Variants in CAMK2D observed in about 807,000 individuals in gnomAD.
The protein encoded by CAMK2D is calcium/calmodulin dependent protein kinase II delta.
In CAMK2D, 37 loss-of-function variants were observed where a neutral mutation model predicts 84.0. The observed-to-expected ratio is 0.44, with a 90% confidence interval of 0.34 to 0.58. The LOEUF (loss-of-function observed/expected upper bound fraction) is 0.58, where lower values mean the gene tolerates loss of function less well. Among genes scored for constraint, CAMK2D ranks in the 20% least tolerant of loss-of-function variants. The pLI is 0.02. For synonymous variants in CAMK2D, 202 were observed against 212.5 expected (o/e 0.95, Z 0.43); for missense variants, 448 against 652.5 (o/e 0.69, Z 3.41).
chr4:113,606,225 C>T (rs559814204), intron 4 of CAMK2D, among the ~76,000 whole-genome samples: 1 of 152,148 alleles, frequency 6.6e-6, no homozygotes, highest in African/African-American at 2.4e-5. Context: ...AATCCCAGCA[C>T]TTAGGGAGGC....
At chr4:113,475,971 T>C (rs1167133020) in intron 16 of CAMK2D, among the ~76,000 whole-genome samples, 5 of 152,232 alleles carry the variant, frequency 3.3e-5, no homozygotes, top group African/African-American at 1.2e-4. Context: ...TCCCATTCAT[T>C]GTTTAAAACT....
intron 13 of CAMK2D, among the ~76,000 whole-genome samples, chr4:113,505,670 G>A (rs1481514186): frequency 6.6e-6 from 1 of 152,080 alleles, no homozygotes; most frequent in African/African-American, 2.4e-5. Context: ...TTACAGTTGT[G>A]TAAGAGGAAA....
chr4:113,483,295 T>G (rs1401630598), intron 16 of CAMK2D, among the ~76,000 whole-genome samples: 3 of 152,218 alleles, frequency 2.0e-5, no homozygotes, highest in Non-Finnish European at 4.4e-5. Flanking sequence ...TTTAAATGAA[T>G]GAATCCAAGT....
intron 16 of CAMK2D, among the ~76,000 whole-genome samples, chr4:113,497,938 T>C (rs189466267): frequency 1.3e-4 from 20 of 152,366 alleles, no homozygotes; most frequent in Non-Finnish European, 2.4e-4. Context: ...CTGATCACAA[T>C]GTTGTCTACA....
At position 113,505,080 on chromosome 4, in the gene CAMK2D, T is replaced by G. The variant is rs781591789; in HGVS notation, c.985-45A>C. Reference sequence around the variant, plus strand: ...AGAAACAGAGATGCCTTAAACCCCTTGGTAGCCAATGTCTCTAGATGCAGC... The same window carrying G: ...AGAAACAGAGATGCCTTAAACCCCTGGGTAGCCAATGTCTCTAGATGCAGC... On this transcript the variant is annotated intron_variant, in intron 13 of 20. Coordinates refer to ENST00000511664, the MANE Select transcript of CAMK2D (RefSeq NM_001321571.2). 8.7e-6 allele frequency: 10 copies of G among 1,150,556 alleles called. No individual in the cohort carries two copies. In the African/African-American group the frequency reaches 1.5e-4, roughly 18 times the overall value. The allele number at this position is 1,150,556 out of a possible 1,614,324, so 71.3% of individuals were successfully genotyped here.
At chr4:113,530,211 CATA>C (rs2098448842) in intron 8 of CAMK2D, among the ~76,000 whole-genome samples, 1 of 152,158 alleles carries the variant, frequency 6.6e-6, no homozygotes, top group African/African-American at 2.4e-5. Context: ...TTTATACATA[CATA>C]ATAAGATATC....
intron 3 of CAMK2D, among the ~76,000 whole-genome samples, chr4:113,648,570 A>G (rs2099160591): frequency 6.6e-6 from 1 of 152,258 alleles, no homozygotes; most frequent in South Asian, 2.1e-4. Context: ...GGGACCGGTA[A>G]GAAGTGAGCT....
At chr4:113,683,116 T>C (rs1029469) in intron 2 of CAMK2D, among the ~76,000 whole-genome samples, 22,289 of 152,138 alleles carry the variant, frequency 0.15, 1,848 homozygotes, top group African/African-American at 0.22. Context: ...AGGAGCAAAA[T>C]ATTTTAAACA....
intron 3 of CAMK2D, among the ~76,000 whole-genome samples, chr4:113,610,218 C>G (rs544080217): frequency 1.3e-5 from 2 of 152,236 alleles, no homozygotes; most frequent in South Asian, 4.1e-4. Flanking sequence ...ACCTTCCAAC[C>G]TCTGGTAGCC....
chr4:113,491,733 T>C (rs1477833716), intron 16 of CAMK2D, among the ~76,000 whole-genome samples: 2 of 152,218 alleles, frequency 1.3e-5, no homozygotes, highest in Non-Finnish European at 2.9e-5. Context: ...TTCCTCCTCG[T>C]ACCTCTGGTA....
chr4:113,523,861 T>C (rs962618024), intron 8 of CAMK2D, among the ~76,000 whole-genome samples: 7 of 152,060 alleles, frequency 4.6e-5, no homozygotes, highest in African/African-American at 1.7e-4. Context: ...GTTGTTTTTT[T>C]GTTTTGTTTT....
chr4:113,563,715 A>T (rs1477218444), intron 4 of CAMK2D, among the ~76,000 whole-genome samples: 1 of 152,222 alleles, frequency 6.6e-6, no homozygotes, highest in African/African-American at 2.4e-5. Context: ...GAATACAATT[A>T]TTTTTAGTTG....
chr4:113,695,915 C>G (rs1245328120), intron 2 of CAMK2D, among the ~76,000 whole-genome samples: 2 of 151,994 alleles, frequency 1.3e-5, no homozygotes, highest in African/African-American at 4.8e-5. Context: ...AGCTGTGCCC[C>G]TGCCCCTTAC....
At chr4:113,556,235 A>C (rs1446320253) in intron 4 of CAMK2D, among the ~76,000 whole-genome samples, 4 of 152,204 alleles carry the variant, frequency 2.6e-5, no homozygotes, top group Non-Finnish European at 5.9e-5. Context: ...AATGGAGATT[A>C]AGGTCATTTC....
intron 2 of CAMK2D, among the ~76,000 whole-genome samples, chr4:113,683,267 T>C (rs2099350831): frequency 6.6e-6 from 1 of 152,090 alleles, no homozygotes; most frequent in African/African-American, 2.4e-5. Context: ...GTGGGTGTAA[T>C]GGTTCAGTTT....
chr4:113,483,083 T>A (rs2097721125), intron 16 of CAMK2D, among the ~76,000 whole-genome samples: 1 of 152,222 alleles, frequency 6.6e-6, no homozygotes, highest in Non-Finnish European at 1.5e-5. Flanking sequence ...TCATGTACTC[T>A]GGAAGAAACT....
chr4:113,661,354 T>C (rs961041038), intron 3 of CAMK2D, among the ~76,000 whole-genome samples: 2 of 152,202 alleles, frequency 1.3e-5, no homozygotes, highest in African/African-American at 4.8e-5. Context: ...GTGGTTAAAA[T>C]AAAGCTAATA....
rs575668390 is a variant in CAMK2D, at chr4:113,668,522, A to T, written c.161-6750T>A. Among the ~76,000 whole-genome samples, 8 of 152,338 alleles carry T rather than the reference A, an allele frequency of 5.3e-5. 1 individual carries two copies. In the South Asian group the frequency reaches 1.7e-3, roughly 32 times the overall value. ...ATTATTATTGCTAAAAATGTGTCCA[A>T]CTTTAAAAGAACTAAATTCCTAAAA... is the stretch of plus-strand genomic sequence containing the variant. On this transcript the variant is annotated intron_variant, in intron 2 of 20. Transcript: ENST00000511664.
intron 3 of CAMK2D, among the ~76,000 whole-genome samples, chr4:113,629,849 T>C (rs1246484692): frequency 6.6e-6 from 1 of 151,630 alleles, no homozygotes; most frequent in Non-Finnish European, 1.5e-5. Flanking sequence ...TTTATTGTGA[T>C]AGCTTTCAAC....
Sources: gnomAD v4.1 joint callset for allele counts (sites outside exome capture counted in the v4.1 genomes callset) on GRCh38, gnomAD v4.1.1 for gene constraint, MANE v1.5 for transcripts, NCBI Gene and HGNC (gene_info 2026-07-23, HGNC 2026-07-21) for gene names.